Variants in NKAIN2 observed in about 807,000 individuals in gnomAD.
The protein encoded by NKAIN2 is sodium/potassium transporting ATPase interacting 2, also known as sodium/potassium-transporting ATPase subunit beta-1-interacting protein 2.
A neutral mutation model predicts 32.6 loss-of-function variants in NKAIN2; 14 were observed. The ratio of observed to expected loss-of-function variants is 0.43; its 90% CI spans 0.28 to 0.67. NKAIN2 has a LOEUF of 0.67. NKAIN2 is among the 30% of genes least tolerant of loss of function. NKAIN2 has a pLI of 0.17. For missense variants in NKAIN2, 198 were observed against 258.3 expected, an observed-to-expected ratio of 0.77 and a Z score of 1.60; for synonymous variants, 80 against 87.2, an observed-to-expected ratio of 0.92 and a Z score of 0.46.
chr6:124,720,974 A>T (rs1010938746), intron 4 of NKAIN2, among the ~76,000 whole-genome samples: 2 of 152,178 alleles, frequency 1.3e-5, no homozygotes, highest in Non-Finnish European at 2.9e-5. Context: ...CAATGTGATA[A>T]CCCATTTCAT....
At chr6:124,725,758 G>A (rs991939619) in intron 4 of NKAIN2, among the ~76,000 whole-genome samples, 11 of 152,312 alleles carry the variant, frequency 7.2e-5, no homozygotes, top group South Asian at 2.1e-4. Flanking sequence ...TGTGAGCGAC[G>A]CAGAAGACGG....
intron 1 of NKAIN2, among the ~76,000 whole-genome samples, chr6:124,061,673 C>T (rs897189801): frequency 6.6e-6 from 1 of 151,768 alleles, no homozygotes; most frequent in Non-Finnish European, 1.5e-5. Flanking sequence ...TGCACTACCC[C>T]TAAGCACTGT....
intron 3 of NKAIN2, among the ~76,000 whole-genome samples, chr6:124,549,142 G>A (rs775923876): frequency 1.3e-5 from 2 of 152,086 alleles, no homozygotes; most frequent in Non-Finnish European, 2.9e-5. Context: ...CGAGGCAGGT[G>A]GATCATGAGG....
rs116905164 is a variant in NKAIN2 at position 124,415,223 on chromosome 6, C to T, written c.273+59876C>T. Among the ~76,000 whole-genome samples, 682 of 152,304 alleles carry T rather than the reference C, an allele frequency of 4.5e-3. 2 individuals are homozygous for T. The highest frequency in any genetic ancestry group is 7.1e-3 in the Non-Finnish European group (485 of 68,034). Reference sequence around the variant, plus strand: ...CCTCAATTCAGATGCTAATAGCAAGCTCCTGGTGGTTTTGTCTGTGCTTCT... The same window carrying T: ...CCTCAATTCAGATGCTAATAGCAAGTTCCTGGTGGTTTTGTCTGTGCTTCT... On this transcript the variant is annotated intron_variant, in intron 3 of 6. Coordinates refer to ENST00000368417, the MANE Select transcript of NKAIN2 (RefSeq NM_001040214.3).
intron 1 of NKAIN2, among the ~76,000 whole-genome samples, chr6:124,119,917 T>C (rs1785796037): frequency 6.6e-6 from 1 of 152,152 alleles, no homozygotes; most frequent in East Asian, 1.9e-4. Context: ...ATATCTTTTC[T>C]TTTTCTTTTG....
At chr6:124,819,440 T>C (rs569157734) in intron 6 of NKAIN2, among the ~76,000 whole-genome samples, 2 of 152,304 alleles carry the variant, frequency 1.3e-5, no homozygotes, top group South Asian at 4.1e-4. Context: ...CATTTGCTAA[T>C]AGCACCCATA....
At chr6:124,065,142 T>G (rs1314783502) in intron 1 of NKAIN2, among the ~76,000 whole-genome samples, 1 of 152,066 alleles carries the variant, frequency 6.6e-6, no homozygotes, top group Non-Finnish European at 1.5e-5. Context: ...AAGGTAAAGA[T>G]TTTCACAGTA....
At chr6:124,806,229 C>A (rs894615716) in intron 5 of NKAIN2, among the ~76,000 whole-genome samples, 8 of 152,116 alleles carry the variant, frequency 5.3e-5, no homozygotes, top group African/African-American at 1.9e-4. Flanking sequence ...ATGTTAAGGG[C>A]AGCCAGAGAG....
intron 3 of NKAIN2, among the ~76,000 whole-genome samples, chr6:124,628,174 C>T (rs1163285657): frequency 6.6e-6 from 1 of 152,178 alleles, no homozygotes; most frequent in Non-Finnish European, 1.5e-5. Flanking sequence ...TCTCCTTCTA[C>T]TTAAATCTTT....
chr6:124,363,888 G>A (rs934488864), intron 3 of NKAIN2, among the ~76,000 whole-genome samples: 1 of 152,128 alleles, frequency 6.6e-6, no homozygotes, highest in African/African-American at 2.4e-5. Context: ...AGAATGTAAT[G>A]ATTGAAAGAG....
chr6:124,085,781 G>A (rs1430149528), intron 1 of NKAIN2, among the ~76,000 whole-genome samples: 1 of 151,836 alleles, frequency 6.6e-6, no homozygotes, highest in Non-Finnish European at 1.5e-5. Flanking sequence ...GCATCAATGG[G>A]TAATAAATTG....
chr6:124,017,380 G>A (rs571216598), intron 1 of NKAIN2, among the ~76,000 whole-genome samples: 1 of 152,076 alleles, frequency 6.6e-6, no homozygotes, highest in South Asian at 2.1e-4. Flanking sequence ...CAAATCTTAT[G>A]TGCTCACATT....
chr6:123,941,475 C>T (rs529000426), intron 1 of NKAIN2, among the ~76,000 whole-genome samples: 1 of 151,846 alleles, frequency 6.6e-6, no homozygotes, highest in East Asian at 1.9e-4. Context: ...ATGAGTAATG[C>T]CTCTCACCGC....
chr6:124,535,678 A>T (rs1383052515), intron 3 of NKAIN2, among the ~76,000 whole-genome samples: 2 of 152,200 alleles, frequency 1.3e-5, no homozygotes, highest in Admixed American at 1.3e-4. Context: ...TTTACACTGA[A>T]AAGTACAATG....
chr6:124,432,928 C>T (rs1775279820), intron 3 of NKAIN2, among the ~76,000 whole-genome samples: 1 of 151,894 alleles, frequency 6.6e-6, no homozygotes, highest in Admixed American at 6.6e-5. Context: ...GTGAACTGGC[C>T]TGCTTGGCTC....
intron 2 of NKAIN2, among the ~76,000 whole-genome samples, chr6:124,312,993 C>T (rs1796786884): frequency 6.6e-6 from 1 of 151,982 alleles, no homozygotes; most frequent in South Asian, 2.1e-4. Context: ...TTTCTGAGGC[C>T]TAAAGTGCCC....
intron 3 of NKAIN2, among the ~76,000 whole-genome samples, chr6:124,603,871 G>T (rs1782400850): frequency 2.6e-5 from 4 of 151,930 alleles, no homozygotes; most frequent in African/African-American, 9.7e-5. Context: ...GTCAATCCAA[G>T]ATAGTTCTCA....
chr6:123,913,690 A>G (rs1485152716), intron 1 of NKAIN2, among the ~76,000 whole-genome samples: 1 of 152,146 alleles, frequency 6.6e-6, no homozygotes, highest in East Asian at 1.9e-4. Flanking sequence ...TATTATTTGT[A>G]TCCTGAGATT....
chr6:124,406,286 C>T (rs143329159), intron 3 of NKAIN2, among the ~76,000 whole-genome samples: 3,043 of 152,126 alleles, frequency 0.02, 31 homozygotes, highest in Non-Finnish European at 0.032. Flanking sequence ...TTATTTCTTT[C>T]TCTATAAACT....
Sources: gnomAD v4.1 joint callset for allele counts (sites outside exome capture counted in the v4.1 genomes callset) on GRCh38, gnomAD v4.1.1 for gene constraint, MANE v1.5 for transcripts, NCBI Gene and HGNC (gene_info 2026-07-23, HGNC 2026-07-21) for gene names.